The following SORCS1 variants were observed in gnomAD, a reference collection of about 807,000 sequenced individuals.
The protein encoded by SORCS1 is VPS10 domain-containing receptor SorCS1.
A neutral mutation model predicts 146.1 loss-of-function variants in SORCS1; 60 were observed. That is an observed-to-expected ratio of 0.41 (90% CI 0.33 to 0.51). SORCS1 has a LOEUF of 0.51. SORCS1 is among the 20% of genes least tolerant of loss of function. The probability of loss-of-function intolerance (pLI) is 0.21; values close to 1 mark genes in which losing one functional copy is unlikely to be tolerated. For synonymous variants in SORCS1, 637 were observed against 584.0 expected (o/e 1.09, Z -1.31); for missense variants, 1,352 against 1,487.6 (o/e 0.91, Z 1.50).
intron 2 of SORCS1, among the ~76,000 whole-genome samples, chr10:106,831,932 C>T (rs1026955607): frequency 9.2e-5 from 14 of 152,192 alleles, no homozygotes; most frequent in African/African-American, 3.4e-4. Context: ...ATATACCTGG[C>T]TTATTTCAGG....
intron 25 of SORCS1, 125 bp downstream of exon 25, chr10:106,579,244 G>A (rs1844752600): frequency 6.2e-7 from 1 of 1,614,022 alleles, no homozygotes; most frequent in East Asian, 2.2e-5. Flanking sequence ...TTAATCCCCG[G>A]GATCTTCCTA....
At chr10:107,105,072 C>G (rs1965211843) in intron 1 of SORCS1, among the ~76,000 whole-genome samples, 1 of 152,188 alleles carries the variant, frequency 6.6e-6, no homozygotes, top group South Asian at 2.1e-4. Flanking sequence ...ACTGATAATA[C>G]TGATACCGAT....
intron 1 of SORCS1, among the ~76,000 whole-genome samples, chr10:106,994,580 A>C (rs1162787009): frequency 6.6e-6 from 1 of 152,264 alleles, no homozygotes; most frequent in African/African-American, 2.4e-5. Flanking sequence ...TTTTGATTTT[A>C]GCAGTTGATT....
intron 5 of SORCS1, among the ~76,000 whole-genome samples, chr10:106,731,030 C>T (rs1856554627): frequency 6.6e-6 from 1 of 152,146 alleles, no homozygotes; most frequent in Non-Finnish European, 1.5e-5. Context: ...TATCCCTGGG[C>T]CGGGCGTGGT....
At chr10:107,156,889 A>G (rs1331853887) in intron 1 of SORCS1, among the ~76,000 whole-genome samples, 1 of 152,222 alleles carries the variant, frequency 6.6e-6, no homozygotes, top group Non-Finnish European at 1.5e-5. Flanking sequence ...TCTGAAGTCT[A>G]TTAGCAGTGG....
At chr10:106,745,750 A>T (rs1008330672) in intron 5 of SORCS1, among the ~76,000 whole-genome samples, 2 of 152,212 alleles carry the variant, frequency 1.3e-5, no homozygotes, top group Non-Finnish European at 2.9e-5. Context: ...TTCAATGGAG[A>T]AATCTGGGAG....
At chr10:106,705,709 C>T (rs567184099) in intron 8 of SORCS1, among the ~76,000 whole-genome samples, 22 of 152,238 alleles carry the variant, frequency 1.4e-4, no homozygotes, top group African/African-American at 5.1e-4. Context: ...ATCACGATGG[C>T]AGCAAGATCG....
chr10:106,707,725 G>C (rs752255686), intron 7 of SORCS1, among the ~76,000 whole-genome samples: 1 of 152,058 alleles, frequency 6.6e-6, no homozygotes, highest in Non-Finnish European at 1.5e-5. Context: ...AAGGTACAGA[G>C]GGCAGGTAGA....
chr10:106,776,544 T>TG lies in SORCS1; in HGVS notation c.874dup (p.Gln292ProfsTer10). ...GGTAAGTATGCTCACCTTTTGGTCT[T>TG]GACTGTATGCCAGAATCCAGTCTTC... is the stretch of plus-strand genomic sequence containing the variant. On this transcript the variant is annotated frameshift_variant, in exon 4 of 26. Coordinates refer to ENST00000263054, the MANE Select transcript of SORCS1 (RefSeq NM_052918.5). LOFTEE classifies it high-confidence loss of function. The TG allele has an allele frequency of 6.2e-7, 1 of 1,614,036 alleles. No individual in the cohort carries two copies. The highest frequency in any genetic ancestry group is 8.5e-7 in the Non-Finnish European group (1 of 1,179,902).
At chr10:106,581,509 T>A (rs1244999330) in intron 24 of SORCS1, among the ~76,000 whole-genome samples, 2 of 152,134 alleles carry the variant, frequency 1.3e-5, no homozygotes, top group Non-Finnish European at 2.9e-5. Context: ...GAATAATAAA[T>A]CATGTACGCT....
At chr10:106,753,752 G>A (rs569802531) in intron 5 of SORCS1, among the ~76,000 whole-genome samples, 2 of 151,968 alleles carry the variant, frequency 1.3e-5, no homozygotes, top group African/African-American at 4.8e-5. Flanking sequence ...GTATCTGCCA[G>A]TGTAGGAGTT....
intron 1 of SORCS1, among the ~76,000 whole-genome samples, chr10:107,028,438 T>A (rs1261389478): frequency 6.6e-6 from 1 of 152,214 alleles, no homozygotes; most frequent in East Asian, 1.9e-4. Flanking sequence ...TGTTTTCTTA[T>A]CTGTAAAACC....
At chr10:106,781,147 C>A (rs1860865290) in intron 3 of SORCS1, among the ~76,000 whole-genome samples, 1 of 152,052 alleles carries the variant, frequency 6.6e-6, no homozygotes, top group South Asian at 2.1e-4. Flanking sequence ...CTCCTGCGGG[C>A]CTTCTTCCCA....
intron 6 of SORCS1, among the ~76,000 whole-genome samples, chr10:106,726,861 C>T (rs557041343): frequency 1.7e-3 from 255 of 152,084 alleles, no homozygotes; most frequent in African/African-American, 5.8e-3. Context: ...CCGAGACGGG[C>T]GGATCACGAG....
intron 7 of SORCS1, among the ~76,000 whole-genome samples, chr10:106,707,437 G>T (rs1854613522): frequency 6.6e-6 from 1 of 152,076 alleles, no homozygotes; most frequent in Non-Finnish European, 1.5e-5. Context: ...CTGACCTCAG[G>T]TGATCTGCCC....
chr10:106,778,649 G>A (rs1020120732), intron 3 of SORCS1, among the ~76,000 whole-genome samples: 6 of 151,982 alleles, frequency 3.9e-5, no homozygotes, highest in Non-Finnish European at 8.8e-5. Flanking sequence ...ATATTGTTTT[G>A]TGTCTCCAAT....
chr10:106,964,594 C>A (rs1955411428), intron 1 of SORCS1, among the ~76,000 whole-genome samples: 1 of 152,158 alleles, frequency 6.6e-6, no homozygotes, highest in African/African-American at 2.4e-5. Context: ...TCAAGCGATT[C>A]TCCTTCTTCA....
At chr10:107,137,326 A>T (rs1416865096) in intron 1 of SORCS1, among the ~76,000 whole-genome samples, 1 of 152,102 alleles carries the variant, frequency 6.6e-6, no homozygotes, top group African/African-American at 2.4e-5. Context: ...ACTTTAATCT[A>T]ATCTCATCCT....
intron 3 of SORCS1, among the ~76,000 whole-genome samples, chr10:106,825,269 C>CT (rs35830829): frequency 0.43 from 51,791 of 119,122 alleles, 12,279 homozygotes; most frequent in African/African-American, 0.49. Flanking sequence ...GAGATTTCAA[C>CT]TTTTTTTTTT....
Sources: allele counts gnomAD v4.1 joint callset (sites outside exome capture counted in the v4.1 genomes callset), GRCh38; gene constraint gnomAD v4.1.1; transcripts MANE v1.5; gene names NCBI Gene and HGNC (gene_info 2026-07-23, HGNC 2026-07-21).